FBXL17: variants seen among roughly 807,000 people sequenced by gnomAD.
The protein encoded by FBXL17 is F-box/LRR-repeat protein 17.
In FBXL17, 22 loss-of-function variants were observed where a neutral mutation model predicts 66.2. The observed-to-expected ratio is 0.33, with a 90% CI of 0.24 to 0.47. FBXL17 has a LOEUF of 0.47. Among genes scored for constraint, FBXL17 ranks in the 20% least tolerant of loss-of-function variants. The probability of loss-of-function intolerance (pLI) is 1.00; values close to 1 mark genes in which losing one functional copy is unlikely to be tolerated. For missense variants in FBXL17, 878 were observed against 948.2 expected (o/e 0.93, Z 0.97); for synonymous variants, 474 against 400.5 (o/e 1.18, Z -2.19).
chr5:108,299,001 C>G, intron 4 of FBXL17: 1 of 975,944 alleles, frequency 1.0e-6, no homozygotes, highest in Non-Finnish European at 1.2e-6. Context: ...AACACTTTTT[C>G]CTCTATTACC....
chr5:107,908,708 C>T (rs994750692), intron 7 of FBXL17, among the ~76,000 whole-genome samples: 2 of 152,098 alleles, frequency 1.3e-5, no homozygotes, highest in Non-Finnish European at 2.9e-5. Flanking sequence ...GGGGCAAAGG[C>T]CCTTGGGTGG....
chr5:108,189,872 G>A (rs963568022), intron 5 of FBXL17, among the ~76,000 whole-genome samples: 2 of 152,114 alleles, frequency 1.3e-5, no homozygotes, highest in Non-Finnish European at 2.9e-5. Context: ...GAAAATAAGG[G>A]TGTTAGTTCT....
At chr5:108,224,752 C>G (rs10075907) in intron 4 of FBXL17, among the ~76,000 whole-genome samples, 68,261 of 151,622 alleles carry the variant, frequency 0.45, 15,693 homozygotes, top group Non-Finnish European at 0.5. Context: ...TCACCACACC[C>G]AACTAGTTTT....
At chr5:108,342,139 G>A (rs1380650606) in intron 4 of FBXL17, among the ~76,000 whole-genome samples, 2 of 152,044 alleles carry the variant, frequency 1.3e-5, no homozygotes, top group Non-Finnish European at 2.9e-5. Context: ...CAAGTGTTAA[G>A]GAACAGAGTA....
intron 5 of FBXL17, among the ~76,000 whole-genome samples, chr5:108,198,533 T>TCC (rs1231590982): frequency 3.9e-5 from 6 of 152,154 alleles, no homozygotes; most frequent in African/African-American, 1.4e-4. Flanking sequence ...CTGTCATGGA[T>TCC]AGTGAAGGAA....
At position 108,101,749 on chromosome 5, in the gene FBXL17, G is replaced by A. The variant is rs201702061; in HGVS notation, c.1746-80748C>T. ...GGCAGGGAAAAGTATTGGACAAAAA[G>A]TACCAACTTTTAATTACCACCTACA... is the stretch of plus-strand genomic sequence containing the variant. On this transcript the variant is annotated intron_variant, in intron 6 of 8. Coordinates refer to ENST00000542267, the MANE Select transcript of FBXL17 (RefSeq NM_001163315.3). Among the ~76,000 whole-genome samples, 24 of 152,270 alleles carry A rather than the reference G, an allele frequency of 1.6e-4. No homozygotes were observed. In the East Asian group the frequency reaches 4.4e-3, roughly 28 times the overall value.
At chr5:108,262,487 G>T (rs1756879550) in intron 4 of FBXL17, among the ~76,000 whole-genome samples, 1 of 152,144 alleles carries the variant, frequency 6.6e-6, no homozygotes, top group Non-Finnish European at 1.5e-5. Flanking sequence ...GAAATAATTT[G>T]GAAGGTACTC....
intron 5 of FBXL17, among the ~76,000 whole-genome samples, chr5:108,187,557 A>T (rs1753288632): frequency 6.6e-6 from 1 of 152,210 alleles, no homozygotes; most frequent in South Asian, 2.1e-4. Context: ...CATGAAAGGG[A>T]TTCAAGCTAC....
intron 4 of FBXL17, among the ~76,000 whole-genome samples, chr5:108,254,319 A>G (rs977894899): frequency 1.3e-5 from 2 of 152,216 alleles, no homozygotes; most frequent in Non-Finnish European, 2.9e-5. Context: ...TGTATAAATC[A>G]TATATTCTCT....
chr5:108,217,355 T>C (rs1175312630), intron 5 of FBXL17, among the ~76,000 whole-genome samples: 1 of 152,210 alleles, frequency 6.6e-6, no homozygotes. Flanking sequence ...CGATATTATA[T>C]TGAAACAATA....
chr5:107,912,078 C>G (rs909653176), intron 7 of FBXL17, among the ~76,000 whole-genome samples: 16 of 151,970 alleles, frequency 1.1e-4, no homozygotes, highest in African/African-American at 3.4e-4. Context: ...GAGTATAAAT[C>G]GATGTAGCCA....
At position 108,102,157 on chromosome 5, in the gene FBXL17, G is replaced by C. The variant is rs1749626672; in HGVS notation, c.1746-81156C>G. 2.0e-5 allele frequency among the ~76,000 whole-genome samples: 3 copies of C among 151,928 alleles called. No homozygotes were observed. The South Asian group carries it at 6.2e-4, about 31-fold the overall frequency. ...CAATTAGTGTTTCTGTCTCCAAAGA[G>C]AGAGATTCATGGAGTCTGAATCTGG... On this transcript the variant is annotated intron_variant, in intron 6 of 8. Coordinates refer to ENST00000542267, the MANE Select transcript of FBXL17 (RefSeq NM_001163315.3).
In FBXL17 at chr5:107,861,753, G is replaced by T. The variant is rs1043294474; in HGVS notation, c.2073C>A (p.Gly691=). Residue 691 remains glycine (G), a synonymous_variant, in exon 9 of 9, where the codon GGC becomes GGA. Transcript: ENST00000542267. ...KRTLERAYQM[G]WTPNMSAASS is the part of the protein sequence containing the mutation. ...AGGCGGCAGACATGTTGGGGGTCCA[G>T]CCCATCTGATAGGCTCTCTCCAAGG... is the stretch of plus-strand genomic sequence containing the variant. 3.2e-6 allele frequency: 5 copies of T among 1,585,598 alleles called. No homozygotes were observed. In the South Asian group the frequency reaches 5.7e-5, roughly 18 times the overall value.
At position 108,033,775 on chromosome 5, in the gene FBXL17, G is replaced by C. The variant is rs535541161; in HGVS notation, c.1746-12774C>G. 2.0e-5 allele frequency among the ~76,000 whole-genome samples: 3 copies of C among 152,138 alleles called. No homozygotes were observed. In the East Asian group the frequency reaches 5.8e-4, roughly 29 times the overall value. ...ATCCTCAACAACATAGATGTTATCA[G>C]GCTTTCAAATTTTAGACATTCTGAT... On this transcript the variant is annotated intron_variant, in intron 6 of 8. Coordinates refer to ENST00000542267, the MANE Select transcript of FBXL17 (RefSeq NM_001163315.3).
At chr5:107,886,647 A>G (rs1025550923) in intron 7 of FBXL17, among the ~76,000 whole-genome samples, 1 of 152,168 alleles carries the variant, frequency 6.6e-6, no homozygotes, top group Non-Finnish European at 1.5e-5. Context: ...CAGTGACCAA[A>G]GCTGGAACAA....
At position 108,368,056 on chromosome 5, in the gene FBXL17, C is replaced by G. The variant is rs966295781; in HGVS notation, c.994-103G>C. ...AAAGTTAACTTTGTAAAAAGAAAACCTTCTTGAATAAAAGAGGCCATTATT... is the reference window on the plus strand; with the variant it reads ...AAAGTTAACTTTGTAAAAAGAAAACGTTCTTGAATAAAAGAGGCCATTATT... On this transcript the variant is annotated intron_variant, in intron 1 of 8. Coordinates refer to ENST00000542267, the MANE Select transcript of FBXL17 (RefSeq NM_001163315.3). 4.2e-5 allele frequency: 48 copies of G among 1,136,640 alleles called. No individual in the cohort carries two copies. The African/African-American group carries it at 7.1e-4, about 17-fold the overall frequency. The allele number at this position is 1,136,640 out of a possible 1,614,324, so 70.4% of individuals were successfully genotyped here.
At chr5:107,997,426 A>G (rs937388614) in intron 7 of FBXL17, among the ~76,000 whole-genome samples, 1 of 152,152 alleles carries the variant, frequency 6.6e-6, no homozygotes, top group Non-Finnish European at 1.5e-5. Flanking sequence ...ATTCAGATGT[A>G]TGTTCTCTAC....
At chr5:107,949,573 G>A (rs959986977) in intron 7 of FBXL17, among the ~76,000 whole-genome samples, 10 of 152,160 alleles carry the variant, frequency 6.6e-5, no homozygotes, top group African/African-American at 2.2e-4. Flanking sequence ...AAAATGAGGG[G>A]AAAATACTTG....
intron 4 of FBXL17, among the ~76,000 whole-genome samples, chr5:108,347,903 A>AT (rs1305163217): frequency 6.6e-6 from 1 of 152,168 alleles, no homozygotes; most frequent in African/African-American, 2.4e-5. Context: ...TTACCCATGT[A>AT]TGTGCTTAAA....
Sources: gnomAD v4.1 joint callset for allele counts (sites outside exome capture counted in the v4.1 genomes callset) on GRCh38, gnomAD v4.1.1 for gene constraint, MANE v1.5 for transcripts, NCBI Gene and HGNC (gene_info 2026-07-23, HGNC 2026-07-21) for gene names.